Variants in DCDC1 observed in about 807,000 individuals in gnomAD.
DCDC1 encodes the protein doublecortin domain-containing protein 1.
DCDC1 carries 200 observed loss-of-function variants against 178.3 expected under a neutral mutation model. The observed-to-expected ratio is 1.12, with a 90% CI of 1.00 to 1.26. DCDC1 has a LOEUF of 1.26. Among genes scored for constraint, DCDC1 ranks in the 50% most tolerant of loss-of-function variants. DCDC1 has a pLI of 0.00. For synonymous variants in DCDC1, 690 were observed against 604.8 expected, an observed-to-expected ratio of 1.14 and a Z score of -2.07; for missense variants, 1,983 against 1,749.2, an observed-to-expected ratio of 1.13 and a Z score of -2.38.
chr11:31,297,252 T>C (rs149257800), intron 6 of DCDC1, among the ~76,000 whole-genome samples: 154 of 152,048 alleles, frequency 1.0e-3, no homozygotes, highest in African/African-American at 3.5e-3. Flanking sequence ...AGCAACAAAA[T>C]AGTGAGGGGA....
intron 6 of DCDC1, among the ~76,000 whole-genome samples, chr11:31,293,455 C>A (rs1947377212): frequency 6.6e-6 from 1 of 152,116 alleles, no homozygotes. Flanking sequence ...AAGGCCAGGA[C>A]TAGGGTGAGG....
At chr11:30,942,599 T>A (rs1947729982) in intron 21 of DCDC1, among the ~76,000 whole-genome samples, 1 of 152,216 alleles carries the variant, frequency 6.6e-6, no homozygotes, top group African/African-American at 2.4e-5. Context: ...CTTTTCAATA[T>A]CCCAAGTATG....
At chr11:30,934,670 A>T (rs1947160254) in intron 21 of DCDC1, among the ~76,000 whole-genome samples, 1 of 152,162 alleles carries the variant, frequency 6.6e-6, no homozygotes, top group Admixed American at 6.5e-5. Flanking sequence ...AAGCATCCTT[A>T]TCCTGGCATA....
At chr11:30,960,998 T>C (rs1949063022) in intron 20 of DCDC1, among the ~76,000 whole-genome samples, 1 of 152,128 alleles carries the variant, frequency 6.6e-6, no homozygotes, top group Non-Finnish European at 1.5e-5. Context: ...CTGTTCAATA[T>C]TTGATTGACA....
intron 20 of DCDC1, among the ~76,000 whole-genome samples, chr11:31,024,863 T>G (rs1953122632): frequency 6.6e-6 from 1 of 151,936 alleles, no homozygotes; most frequent in South Asian, 2.1e-4. Context: ...TGAAATATGG[T>G]TTATTTAGCC....
At chr11:31,250,835 A>G (rs533057710) in intron 8 of DCDC1, among the ~76,000 whole-genome samples, 14 of 151,810 alleles carry the variant, frequency 9.2e-5, no homozygotes, top group Non-Finnish European at 1.8e-4. Context: ...GTTCACTGCA[A>G]CCACCACCTC....
intron 9 of DCDC1, among the ~76,000 whole-genome samples, chr11:31,150,589 T>TTA (rs1965063737): frequency 6.6e-6 from 1 of 152,194 alleles, no homozygotes; most frequent in Non-Finnish European, 1.5e-5. Flanking sequence ...TCTATCTATC[T>TTA]ATCTTTCTAT....
chr11:31,037,617 T>TG (rs1954145086), intron 20 of DCDC1, among the ~76,000 whole-genome samples: 1 of 151,782 alleles, frequency 6.6e-6, no homozygotes, highest in African/African-American at 2.4e-5. Context: ...AAATACAAAA[T>TG]TAGCCCGGAT....
At chr11:30,986,023 T>C (rs1288911608) in intron 20 of DCDC1, among the ~76,000 whole-genome samples, 2 of 152,144 alleles carry the variant, frequency 1.3e-5, no homozygotes, top group African/African-American at 2.4e-5. Context: ...GGATTAAACA[T>C]GATAGAGGTA....
intron 20 of DCDC1, among the ~76,000 whole-genome samples, chr11:31,040,379 C>G (rs1954363990): frequency 6.6e-6 from 1 of 152,130 alleles, no homozygotes; most frequent in Admixed American, 6.5e-5. Context: ...CCCCCAACTC[C>G]CATCCTACTT....
At chr11:31,357,221 T>C (rs986746450) in intron 1 of DCDC1, among the ~76,000 whole-genome samples, 3 of 151,886 alleles carry the variant, frequency 2.0e-5, no homozygotes, top group Non-Finnish European at 4.4e-5. Context: ...CAGCAGCACA[T>C]CAAAAAGCTT....
At chr11:31,169,499 C>A (rs1966947614) in intron 9 of DCDC1, among the ~76,000 whole-genome samples, 1 of 152,168 alleles carries the variant, frequency 6.6e-6, no homozygotes, top group Non-Finnish European at 1.5e-5. Flanking sequence ...GAACAAGGCT[C>A]TTTCCTCAGG....
rs1259312043 is a variant in DCDC1, at chr11:31,358,106, C to G, written c.-125+11591G>C. Reference sequence around the variant, plus strand: ...AAACTACTTTAAAGTTCATATGGAACCAAAAAAGAGCCCGCATCGCCAAGT... The same window carrying G: ...AAACTACTTTAAAGTTCATATGGAAGCAAAAAAGAGCCCGCATCGCCAAGT... On this transcript the variant is annotated intron_variant, in intron 1 of 38. Transcript: ENST00000684477. Among the ~76,000 whole-genome samples, 22 of 150,132 alleles carry G rather than the reference C, an allele frequency of 1.5e-4. No individual in the cohort carries two copies. In the East Asian group the frequency reaches 4.1e-3, roughly 28 times the overall value.
At chr11:30,904,874 C>T in intron 31 of DCDC1, 87 bp downstream of exon 31, 1 of 1,493,674 alleles carries the variant, frequency 6.7e-7, no homozygotes, top group Non-Finnish European at 9.3e-7. Context: ...ACATTTATCA[C>T]TCAATCCCAC....
At chr11:31,292,036 T>C (rs1947267169) in intron 6 of DCDC1, among the ~76,000 whole-genome samples, 1 of 152,172 alleles carries the variant, frequency 6.6e-6, no homozygotes, top group African/African-American at 2.4e-5. Flanking sequence ...TTTCACTCTC[T>C]GTTACCCACA....
At chr11:31,222,057 T>C (rs967296358) in intron 9 of DCDC1, among the ~76,000 whole-genome samples, 9 of 152,046 alleles carry the variant, frequency 5.9e-5, no homozygotes, top group Non-Finnish European at 1.3e-4. Flanking sequence ...TTTTTTGTTT[T>C]GTTTTTTGTT....
At chr11:31,120,913 T>G (rs1041937293) in intron 11 of DCDC1, among the ~76,000 whole-genome samples, 1 of 152,004 alleles carries the variant, frequency 6.6e-6, no homozygotes, top group Non-Finnish European at 1.5e-5. Context: ...GACATTTCCA[T>G]GGGGATGAAG....
chr11:31,189,456 C>T (rs1969889930), intron 9 of DCDC1, among the ~76,000 whole-genome samples: 1 of 152,140 alleles, frequency 6.6e-6, no homozygotes, highest in Non-Finnish European at 1.5e-5. Flanking sequence ...CTGAAACATC[C>T]ACTATATTAG....
Position 31,114,589 on chromosome 11 carries a change from A to G in DCDC1, c.1486-4228T>C, listed in dbSNP as rs553806951. On this transcript the variant is annotated intron_variant, in intron 11 of 38. Transcript: ENST00000684477. ...GTTAGCCCAACAGACAACAGGGAGA[A>G]GAGTACTACACGCAGAGAGAGCTGC... is the stretch of plus-strand genomic sequence containing the variant. Among the ~76,000 whole-genome samples, 3 of 152,294 alleles carry G rather than the reference A, an allele frequency of 2.0e-5. No homozygotes were observed. In the East Asian group the frequency reaches 5.8e-4, roughly 29 times the overall value.
Sources: gnomAD v4.1 joint callset for allele counts (sites outside exome capture counted in the v4.1 genomes callset) on GRCh38, gnomAD v4.1.1 for gene constraint, MANE v1.5 for transcripts, NCBI Gene and HGNC (gene_info 2026-07-23, HGNC 2026-07-21) for gene names.